Variants in C1orf74 observed in about 807,000 individuals in gnomAD.
C1orf74 encodes chromosome 1 open reading frame 74.
Under a neutral mutation model 7.3 loss-of-function variants are expected in C1orf74, and 5 were observed. The observed-to-expected ratio is 0.68, with a 90% CI of 0.36 to 1.44. C1orf74 has a LOEUF of 1.44. Ranked by LOEUF, C1orf74 falls within the 40% of genes most tolerant of loss-of-function variation. The pLI is 0.04. For synonymous variants in C1orf74, 121 were observed against 132.5 expected, an observed-to-expected ratio of 0.91 and a Z score of 0.59; for missense variants, 291 against 314.3, an observed-to-expected ratio of 0.93 and a Z score of 0.56.
intron 1 of C1orf74, 111 bp from the exon 2 acceptor site, chr1:209,783,820 C>T: frequency 1.9e-6 from 1 of 540,412 alleles, no homozygotes. Context: ...CCAGCCCAGA[C>T]AAGATAGTTT....
rs2077812504 is a variant in C1orf74, at chr1:209,783,551, T to C, written c.84A>G (p.Arg28=). ...GGCAGATGGCTTGGGGTGGACTCCG[T>C]CTCTTTCCCATGCCAAGGGTCTGCT... ...AAQQTLGMGK[R]RSPPQAICLH... Residue 28 remains arginine, a synonymous_variant, in exon 2 of 2, where the codon AGA becomes AGG. Transcript: ENST00000294811. 1.2e-6 allele frequency: 2 copies of C among 1,613,850 alleles called. No individual in the cohort carries two copies. Among genetic ancestry groups the C allele is most frequent in the African/African-American group, 2.7e-5 (2 of 74,832 alleles).
rs374407402 is a variant in C1orf74, at chr1:209,782,199, G to C, written c.*626C>G. 4 of 1,450,748 alleles carry C rather than the reference G, an allele frequency of 2.8e-6. No homozygotes were observed. In the East Asian group the frequency reaches 9.1e-5, roughly 33 times the overall value. The allele number at this position is 1,450,748 out of a possible 1,614,324, so 89.9% of individuals were successfully genotyped here. A position where few individuals can be genotyped will look rare whatever the true frequency, so the allele number is the denominator to read the frequency against. On this transcript the variant is annotated 3_prime_UTR_variant, in exon 2 of 2. Coordinates refer to ENST00000294811, the MANE Select transcript of C1orf74 (RefSeq NM_152485.4). ...GAAAATCAGAAGCAAGCAACTCAGC[G>C]AAAAACTCAGAAGGTTTGGGTACAT...
chr1:209,780,472 C>T lies in C1orf74; in HGVS notation c.*2353G>A, dbSNP rs1330900836. On this transcript the variant is annotated 3_prime_UTR_variant, in exon 2 of 2. Coordinates refer to ENST00000294811, the MANE Select transcript of C1orf74 (RefSeq NM_152485.4). Reference sequence around the variant, plus strand: ...CAAGAATCTGGCTGCTTTTTTAGATCAGGCTTTGCCCGTGTGGAGTCCAAA... The same window carrying T: ...CAAGAATCTGGCTGCTTTTTTAGATTAGGCTTTGCCCGTGTGGAGTCCAAA... 6.4e-7 allele frequency: 1 copy of T among 1,556,270 alleles called. No individual in the cohort carries two copies. Among genetic ancestry groups the T allele is most frequent in the Non-Finnish European group, 8.7e-7 (1 of 1,146,912 alleles).
Position 209,780,606 on chromosome 1 carries a change from G to A in C1orf74, c.*2219C>T. 6.3e-7 allele frequency: 1 copy of A among 1,581,874 alleles called. No individual in the cohort carries two copies. The highest frequency in any genetic ancestry group is 8.6e-7 in the Non-Finnish European group (1 of 1,161,338). ...TGCAGCTCCAGGCCAAGGAAAAGGAGGTGAGAGGGTGACCTGAGATAGTGA... is the reference window on the plus strand; with the variant it reads ...TGCAGCTCCAGGCCAAGGAAAAGGAAGTGAGAGGGTGACCTGAGATAGTGA... On this transcript the variant is annotated 3_prime_UTR_variant, in exon 2 of 2. Coordinates refer to ENST00000294811, the MANE Select transcript of C1orf74 (RefSeq NM_152485.4).
Position 209,783,055 on chromosome 1 carries a change from A to G in C1orf74, c.580T>C (p.Cys194Arg), listed in dbSNP as rs1486853796. ...TFHLNQGDDN[C>R]LALTPLRVFT... The stretch of plus-strand genomic sequence containing the variant: ...ACTCGTAGTGGAGTCAGAGCTAAGC[A>G]GTTGTCATCTCCCTGGTTCAGGTGA... The change falls in exon 2 of 2, where the codon TGC becomes CGC. Residue 194 changes from cysteine (C) to arginine (R), a missense_variant. Cys to Arg is a radical substitution (Grantham distance 180, BLOSUM62 -3). Transcript: ENST00000294811. 6.2e-7 allele frequency: 1 copy of G among 1,614,076 alleles called. No homozygotes were observed. The highest frequency in any genetic ancestry group is 2.2e-5 in the East Asian group (1 of 44,892).
Position 209,779,854 on chromosome 1 carries a change from A to G in C1orf74, c.*2971T>C. 1 of 243,258 alleles carries G rather than the reference A, an allele frequency of 4.1e-6. No individual in the cohort carries two copies. Among genetic ancestry groups the G allele is most frequent in the Non-Finnish European group, 8.0e-6 (1 of 124,946 alleles). The allele number at this position is 243,258 out of a possible 1,614,324, so 15.1% of individuals were successfully genotyped here. ...ACACACGACCTTTTGTTTTCTCTTCACAATCATTGGGCATAATATAATAGA... is the reference window on the plus strand; with the variant it reads ...ACACACGACCTTTTGTTTTCTCTTCGCAATCATTGGGCATAATATAATAGA... On this transcript the variant is annotated 3_prime_UTR_variant, in exon 2 of 2. Coordinates refer to ENST00000294811, the MANE Select transcript of C1orf74 (RefSeq NM_152485.4).
At position 209,782,781 on chromosome 1, in the gene C1orf74, A is replaced by G; in HGVS notation, c.*44T>C. On this transcript the variant is annotated 3_prime_UTR_variant, in exon 2 of 2. Coordinates refer to ENST00000294811, the MANE Select transcript of C1orf74 (RefSeq NM_152485.4). ...ATTATTTGCCATCCCCAACCTAGAGATGATCATTTACTGAGTACCTTCTAT... is the reference window on the plus strand; with the variant it reads ...ATTATTTGCCATCCCCAACCTAGAGGTGATCATTTACTGAGTACCTTCTAT... 5 of 1,571,632 alleles carry G rather than the reference A, an allele frequency of 3.2e-6. No homozygotes were observed. In the South Asian group the frequency reaches 5.7e-5, roughly 18 times the overall value.
chr1:209,783,806 C>T lies in C1orf74; in HGVS notation c.-75-97G>A, dbSNP rs183234598. 6.8e-3 allele frequency: 3,934 copies of T among 576,374 alleles called. 30 individuals carry two copies. Among genetic ancestry groups the T allele is most frequent in the Non-Finnish European group, 0.01 (3,294 of 324,132 alleles). The allele number at this position is 576,374 out of a possible 1,614,324, so 35.7% of individuals were successfully genotyped here. ...TCTGTCCCTCCCTGCTTTGAAATGG[C>T]GACCCAGCCCAGACAAGATAGTTTC... On this transcript the variant is annotated intron_variant, in intron 1 of 1. Coordinates refer to ENST00000294811, the MANE Select transcript of C1orf74 (RefSeq NM_152485.4).
Position 209,781,547 on chromosome 1 carries a change from C to A in C1orf74, c.*1278G>T, listed in dbSNP as rs1418376691. On this transcript the variant is annotated 3_prime_UTR_variant, in exon 2 of 2. Transcript: ENST00000294811. ...TTTGCACATAAAATATATCAGCCCA[C>A]GCCAACAACTGGCCATCCTGTCCCA... is the stretch of plus-strand genomic sequence containing the variant. The A allele has an allele frequency of 3.3e-6, 3 of 916,166 alleles. No homozygotes were observed. In the Admixed American group the frequency reaches 5.7e-5, roughly 17 times the overall value. The allele number at this position is 916,166 out of a possible 1,614,324, so 56.8% of individuals were successfully genotyped here.
In C1orf74 at chr1:209,783,655, A is replaced by T; in HGVS notation, c.-21T>A. The T allele has an allele frequency of 6.5e-7, 1 of 1,545,800 alleles. No individual in the cohort carries two copies. Among genetic ancestry groups the T allele is most frequent in the Non-Finnish European group, 8.7e-7 (1 of 1,145,962 alleles). On this transcript the variant is annotated 5_prime_UTR_variant, in exon 2 of 2. The change abolishes the stop of an existing upstream ORF in the 5' untranslated region. Coordinates refer to ENST00000294811, the MANE Select transcript of C1orf74 (RefSeq NM_152485.4). ...AACATCAAGAATGGCCTCCTTAGCT[A>T]GCCCGAGTTCCCTTCCCTGGGTGGC... is the stretch of plus-strand genomic sequence containing the variant.
Position 209,783,149 on chromosome 1 carries a change from G to C in C1orf74, c.486C>G (p.Leu162=). Residue 162 remains leucine, a synonymous_variant, in exon 2 of 2, where the codon CTC becomes CTG. Coordinates refer to ENST00000294811, the MANE Select transcript of C1orf74 (RefSeq NM_152485.4). The part of the protein sequence containing the change: ...DLSLAVSYSR[L]HSSDWNLCTV... The stretch of plus-strand genomic sequence containing the variant: ...TACACAGATTCCAGTCTGAGGAATG[G>C]AGCCTGCTGTAGGAGACTGCTAGAG... 1 of 1,614,144 alleles carries C rather than the reference G, an allele frequency of 6.2e-7. No individual in the cohort carries two copies. The highest frequency in any genetic ancestry group is 1.6e-4 in the Middle Eastern group (1 of 6,062).
Position 209,783,659 on chromosome 1 carries a change from C to T in C1orf74, c.-25G>A. The T allele has an allele frequency of 6.5e-7, 1 of 1,535,512 alleles. No homozygotes were observed. Among genetic ancestry groups the T allele is most frequent in the Non-Finnish European group, 8.8e-7 (1 of 1,140,566 alleles). On this transcript the variant is annotated 5_prime_UTR_variant, in exon 2 of 2. Transcript: ENST00000294811. ...TCAAGAATGGCCTCCTTAGCTAGCC[C>T]GAGTTCCCTTCCCTGGGTGGCATCT...
rs756833312 is a variant in C1orf74, at chr1:209,783,641, T to A, written c.-7A>T. ...TGAGATCTAGAAGCAACATCAAGAA[T>A]GGCCTCCTTAGCTAGCCCGAGTTCC... On this transcript the variant is annotated 5_prime_UTR_variant, in exon 2 of 2. Transcript: ENST00000294811. The A allele has an allele frequency of 6.4e-7, 1 of 1,567,214 alleles. No individual in the cohort carries two copies. Among genetic ancestry groups the A allele is most frequent in the South Asian group, 1.2e-5 (1 of 84,784 alleles).
At position 209,779,759 on chromosome 1, in the gene C1orf74, A is replaced by C. The variant is rs1194395783; in HGVS notation, c.*3066T>G. On this transcript the variant is annotated 3_prime_UTR_variant, in exon 2 of 2. Coordinates refer to ENST00000294811, the MANE Select transcript of C1orf74 (RefSeq NM_152485.4). ...AGTCAACTCACTGTTAGCCCTAGAG[A>C]GTCTACTGTCCATGTTTCCTGAGAA... 1.2e-5 allele frequency: 6 copies of C among 521,068 alleles called. No homozygotes were observed. The highest frequency in any genetic ancestry group is 2.0e-5 in the Non-Finnish European group (6 of 293,416). 32.3% of individuals were successfully genotyped at this position (521,068 alleles called of 1,614,324 possible). A position where few individuals can be genotyped will look rare whatever the true frequency, so the allele number is the denominator to read the frequency against.
chr1:209,781,057 T>C lies in C1orf74; in HGVS notation c.*1768A>G, dbSNP rs2077767693. 4.3e-6 allele frequency: 1 copy of C among 232,248 alleles called. No homozygotes were observed. The highest frequency in any genetic ancestry group is 5.5e-5 in the Admixed American group (1 of 18,310). 14.4% of individuals were successfully genotyped at this position (232,248 alleles called of 1,614,324 possible). A position where few individuals can be genotyped will look rare whatever the true frequency, so the allele number is the denominator to read the frequency against. ...GGTCGTTTGTTCTATAAGAACTTCA[T>C]TTTTCGGTGTCTCTCATTTGCAAAG... On this transcript the variant is annotated 3_prime_UTR_variant, in exon 2 of 2. Transcript: ENST00000294811.
chr1:209,779,755 A>G lies in C1orf74; in HGVS notation c.*3070T>C, dbSNP rs116310157. ...CCAGAGTCAACTCACTGTTAGCCCT[A>G]GAGAGTCTACTGTCCATGTTTCCTG... On this transcript the variant is annotated 3_prime_UTR_variant, in exon 2 of 2. Coordinates refer to ENST00000294811, the MANE Select transcript of C1orf74 (RefSeq NM_152485.4). 3.9e-3 allele frequency: 2,112 copies of G among 535,178 alleles called. 39 individuals carry two copies. The highest frequency in any genetic ancestry group is 0.036 in the African/African-American group (1,910 of 52,782). 33.2% of individuals were successfully genotyped at this position (535,178 alleles called of 1,614,324 possible). A position where few individuals can be genotyped will look rare whatever the true frequency, so the allele number is the denominator to read the frequency against.
rs755487199 is a variant in C1orf74, at chr1:209,779,489, A to G, written c.*3336T>C. 2 of 881,650 alleles carry G rather than the reference A, an allele frequency of 2.3e-6. No individual in the cohort carries two copies. The highest frequency in any genetic ancestry group is 3.8e-6 in the Non-Finnish European group (2 of 527,324). 54.6% of individuals were successfully genotyped at this position (881,650 alleles called of 1,614,324 possible). On this transcript the variant is annotated 3_prime_UTR_variant, in exon 2 of 2. Transcript: ENST00000294811. ...TCCCAGCCAGTTCTGGGAGTCTGTT[A>G]AGTCCGGGATGTGTGGGAGCTTTTT...
Position 209,782,138 on chromosome 1 carries a change from T to C in C1orf74, c.*687A>G, listed in dbSNP as rs1197432425. 4.3e-6 allele frequency: 7 copies of C among 1,613,514 alleles called. No individual in the cohort carries two copies. ...GTGTTCCTGGCCAATAAAGACAACC[T>C]GATGATCTGAATAATTTGTGACAAC... On this transcript the variant is annotated 3_prime_UTR_variant, in exon 2 of 2. Coordinates refer to ENST00000294811, the MANE Select transcript of C1orf74 (RefSeq NM_152485.4).
intron 1 of C1orf74, among the ~76,000 whole-genome samples, chr1:209,784,077 T>C (rs1313284599): frequency 6.6e-6 from 1 of 152,184 alleles, no homozygotes; most frequent in Non-Finnish European, 1.5e-5. Context: ...AAGTTCCAAA[T>C]GTATCCTTTC....
Sources: gnomAD v4.1 joint callset for allele counts (sites outside exome capture counted in the v4.1 genomes callset) on GRCh38, gnomAD v4.1.1 for gene constraint, MANE v1.5 for transcripts, NCBI Gene and HGNC (gene_info 2026-07-23, HGNC 2026-07-21) for gene names.